Variants in RALA observed in about 807,000 individuals in gnomAD.
The protein encoded by RALA is RAS like proto-oncogene A, also known as ras-related protein Ral-A.
A neutral mutation model predicts 24.0 loss-of-function variants in RALA; 5 were observed. That is an observed-to-expected ratio of 0.21 (90% CI 0.11 to 0.44). The LOEUF is 0.44. Ranked by LOEUF, RALA falls within the 20% of genes least tolerant of loss-of-function variation. The pLI is 0.99. For missense variants in RALA, 95 were observed against 241.2 expected, an observed-to-expected ratio of 0.39 and a Z score of 4.01; for synonymous variants, 77 against 83.8, an observed-to-expected ratio of 0.92 and a Z score of 0.44.
At chr7:39,641,227 A>G (rs1791810705) in intron 1 of RALA, among the ~76,000 whole-genome samples, 1 of 152,152 alleles carries the variant, frequency 6.6e-6, no homozygotes, top group Non-Finnish European at 1.5e-5. Flanking sequence ...ATGAGGTTAA[A>G]CCAAAAGTAA....
chr7:39,633,671 G>A (rs1345828278), intron 1 of RALA, among the ~76,000 whole-genome samples: 3 of 152,284 alleles, frequency 2.0e-5, no homozygotes, highest in East Asian at 3.9e-4. Context: ...CCACTGGGGG[G>A]TAATCCTAGA....
In RALA at chr7:39,660,517, G is replaced by C. The variant is rs189822725; in HGVS notation, c.-37-26114G>C. Among the ~76,000 whole-genome samples the C allele has an allele frequency of 5.8e-3, 880 of 151,810 alleles. 34 individuals are homozygous for C. The highest frequency in any genetic ancestry group is 0.054 in the Admixed American group (820 of 15,228). ...CTGTCTCTCTTTTTTTAATGAATTT[G>C]CCTTCTCTGCATAACTTTTTCTTTT... is the stretch of plus-strand genomic sequence containing the variant. On this transcript the variant is annotated intron_variant, in intron 1 of 4. Coordinates refer to ENST00000005257, the MANE Select transcript of RALA (RefSeq NM_005402.4).
At chr7:39,683,258 T>G (rs1162520907) in intron 1 of RALA, among the ~76,000 whole-genome samples, 1 of 152,154 alleles carries the variant, frequency 6.6e-6, no homozygotes, top group Admixed American at 6.5e-5. Flanking sequence ...TACTCTGGCC[T>G]TCTTCTGCTT....
intron 1 of RALA, among the ~76,000 whole-genome samples, chr7:39,655,352 A>G (rs530210457): frequency 1.3e-5 from 2 of 152,348 alleles, no homozygotes; most frequent in African/African-American, 4.8e-5. Flanking sequence ...AATTCCTTTT[A>G]TGTGAAACTG....
chr7:39,680,308 G>A (rs999359539), intron 1 of RALA, among the ~76,000 whole-genome samples: 1 of 151,686 alleles, frequency 6.6e-6, no homozygotes, highest in Non-Finnish European at 1.5e-5. Context: ...TTGGTGAGGC[G>A]GAGGTTGCAG....
At chr7:39,664,802 G>A (rs1369240985) in intron 1 of RALA, among the ~76,000 whole-genome samples, 7 of 146,894 alleles carry the variant, frequency 4.8e-5, no homozygotes, top group Admixed American at 6.8e-5. Context: ...GTTGGTGGAC[G>A]TGCCAAAAAA....
intron 1 of RALA, among the ~76,000 whole-genome samples, chr7:39,625,095 G>A (rs1791458324): frequency 6.6e-6 from 1 of 152,166 alleles, no homozygotes; most frequent in South Asian, 2.1e-4. Flanking sequence ...CTTGAACATA[G>A]AAGCTGTTCA....
At chr7:39,697,724 T>G (rs1792947055) in intron 4 of RALA, among the ~76,000 whole-genome samples, 1 of 152,204 alleles carries the variant, frequency 6.6e-6, no homozygotes, top group Non-Finnish European at 1.5e-5. Context: ...CTGCATGTGC[T>G]TGTAGATTTA....
At chr7:39,698,242 C>A (rs555763567) in intron 4 of RALA, among the ~76,000 whole-genome samples, 1 of 152,106 alleles carries the variant, frequency 6.6e-6, no homozygotes, top group Non-Finnish European at 1.5e-5. Flanking sequence ...TCTCTTATTG[C>A]CATCACATAA....
intron 1 of RALA, among the ~76,000 whole-genome samples, chr7:39,668,871 T>G (rs1792331666): frequency 6.6e-6 from 1 of 150,708 alleles, no homozygotes; most frequent in South Asian, 2.1e-4. Context: ...ATTCTAGCAC[T>G]TTAGGAGGCC....
chr7:39,649,444 C>T (rs188188383), intron 1 of RALA, among the ~76,000 whole-genome samples: 2 of 152,262 alleles, frequency 1.3e-5, no homozygotes, highest in Admixed American at 1.3e-4. Flanking sequence ...GATTAGTTCA[C>T]GAGCGCAGAG....
intron 1 of RALA, among the ~76,000 whole-genome samples, chr7:39,682,809 A>AT (rs1325507719): frequency 2.0e-5 from 3 of 151,594 alleles, no homozygotes; most frequent in East Asian, 1.9e-4. Flanking sequence ...CACCCCACTA[A>AT]TTTTTTTTGT....
chr7:39,684,580 T>C (rs1792664293), intron 1 of RALA, among the ~76,000 whole-genome samples: 1 of 151,994 alleles, frequency 6.6e-6, no homozygotes, highest in Non-Finnish European at 1.5e-5. Context: ...ATTGAACCTC[T>C]AGTAGCAAGA....
At chr7:39,675,276 G>A (rs1792463807) in intron 1 of RALA, among the ~76,000 whole-genome samples, 1 of 152,188 alleles carries the variant, frequency 6.6e-6, no homozygotes, top group South Asian at 2.1e-4. Context: ...ACTGTATTGG[G>A]CACTTGCGTT....
intron 1 of RALA, among the ~76,000 whole-genome samples, chr7:39,681,413 G>A (rs1429894717): frequency 7.1e-6 from 1 of 140,970 alleles, no homozygotes; most frequent in East Asian, 2.2e-4. Context: ...GAGCCTCCCG[G>A]GTTCAGGCGA....
intron 1 of RALA, among the ~76,000 whole-genome samples, chr7:39,684,729 GAAAA>G (rs926811297): frequency 1.5e-5 from 2 of 129,812 alleles, no homozygotes; most frequent in Admixed American, 7.5e-5. Context: ...AAAAAAAAAA[GAAAA>G]AAAAAAGTTG....
chr7:39,647,188 A>C (rs1251062277), intron 1 of RALA, among the ~76,000 whole-genome samples: 1 of 152,148 alleles, frequency 6.6e-6, no homozygotes, highest in African/African-American at 2.4e-5. Context: ...GACTACAGGC[A>C]TGTGCCAGCA....
intron 4 of RALA, among the ~76,000 whole-genome samples, chr7:39,702,326 A>G (rs2158549): frequency 0.71 from 108,136 of 151,992 alleles, 39,590 homozygotes; most frequent in African/African-American, 0.89. Context: ...GAAAGTTTGC[A>G]TTTGCTTGTT....
At chr7:39,624,592 G>A (rs1791447959) in intron 1 of RALA, among the ~76,000 whole-genome samples, 2 of 152,162 alleles carry the variant, frequency 1.3e-5, no homozygotes, top group African/African-American at 4.8e-5. Context: ...AGGGGTGGCA[G>A]TGTTGTTTCA....
Sources: allele counts gnomAD v4.1 joint callset (sites outside exome capture counted in the v4.1 genomes callset), GRCh38; gene constraint gnomAD v4.1.1; transcripts MANE v1.5; gene names NCBI Gene and HGNC (gene_info 2026-07-23, HGNC 2026-07-21).